Variants in NDUFAF1 observed in about 807,000 individuals in gnomAD.
NDUFAF1 encodes the protein complex I intermediate-associated protein 30, mitochondrial.
A neutral mutation model predicts 28.7 loss-of-function variants in NDUFAF1; 18 were observed. That is an observed-to-expected ratio of 0.63 (90% confidence interval 0.43 to 0.93). The LOEUF (loss-of-function observed/expected upper bound fraction) is 0.93. Ranked by LOEUF, NDUFAF1 falls within the 40% of genes least tolerant of loss-of-function variation. The pLI, the probability that NDUFAF1 is intolerant of heterozygous loss-of-function variation, is 0.00. For synonymous variants in NDUFAF1, 113 were observed against 139.7 expected (o/e 0.81, Z 1.35); for missense variants, 404 against 398.3 (o/e 1.01, Z -0.12).
At position 41,394,919 on chromosome 15, in the gene NDUFAF1, C is replaced by A. The variant is rs568965928; in HGVS notation, c.699G>T (p.Thr233=). 1.9e-6 allele frequency: 3 copies of A among 1,614,124 alleles called. No homozygotes were observed. The highest frequency in any genetic ancestry group is 2.5e-6 in the Non-Finnish European group (3 of 1,180,020). The stretch of plus-strand genomic sequence containing the variant: ...ACATGAAGTAACTATACATCTGATT[C>A]GTCCTCTGGAAGAAATCTGTGTCCT... The part of the protein sequence containing the change: ...IKEDTDFFQR[T]NQMYSYFMFT... Residue 233 remains threonine (T), a synonymous_variant, in exon 3 of 5, where the codon ACG becomes ACT. Coordinates refer to ENST00000260361, the MANE Select transcript of NDUFAF1 (RefSeq NM_016013.4).
At chr15:41,399,781 G>C (rs1298931553) in intron 1 of NDUFAF1, among the ~76,000 whole-genome samples, 1 of 144,452 alleles carries the variant, frequency 6.9e-6, no homozygotes, top group East Asian at 2.1e-4. Context: ...GCGTGAACCC[G>C]GGAGGCGGAG....
At chr15:41,394,161 T>C (rs988567880) in intron 3 of NDUFAF1, 14 of 444,124 alleles carry the variant, frequency 3.2e-5, no homozygotes, top group East Asian at 7.1e-5. Context: ...CCCGAGTAGC[T>C]GGGATTACAG....
At chr15:41,395,130 G>A (rs964962659) in intron 2 of NDUFAF1, 86 bp from the exon 3 acceptor site, 9 of 1,236,128 alleles carry the variant, frequency 7.3e-6, no homozygotes, top group Middle Eastern at 1.9e-4. Flanking sequence ...ATCATCAACA[G>A]GATGCACTAA....
At position 41,395,041 on chromosome 15, in the gene NDUFAF1, C is replaced by T. The variant is rs1014659217; in HGVS notation, c.577G>A (p.Ala193Thr). 2 of 1,613,808 alleles carry T rather than the reference C, an allele frequency of 1.2e-6. No homozygotes were observed. The highest frequency in any genetic ancestry group is 1.3e-5 in the African/African-American group (1 of 75,024). The stretch of plus-strand genomic sequence containing the variant: ...TCGTAAGACATCTTCCTCTCAAAAG[C>T]ACCCTAAGATATTGAAAGTAAAGTT... Reference protein sequence around the residue: ...CAMISRIPRGAFERKMSYDWS... With the variant: ...CAMISRIPRGTFERKMSYDWS... Residue 193 changes from alanine to threonine, a missense_variant, in exon 3 of 5, where the codon GCT becomes ACT. Coordinates refer to ENST00000260361, the MANE Select transcript of NDUFAF1 (RefSeq NM_016013.4).
chr15:41,391,601 C>A (rs2050317167), intron 3 of NDUFAF1, among the ~76,000 whole-genome samples: 1 of 142,806 alleles, frequency 7.0e-6, no homozygotes, highest in Non-Finnish European at 1.5e-5. Flanking sequence ...GAGTGAGACT[C>A]CATCTTAAAA....
chr15:41,394,390 AAAAC>A (rs968074396), intron 3 of NDUFAF1: 11 of 1,288,852 alleles, frequency 8.5e-6, no homozygotes, highest in Middle Eastern at 2.1e-4. Flanking sequence ...AAACTTCTAA[AAAAC>A]AAACAAACCC....
intron 2 of NDUFAF1, among the ~76,000 whole-genome samples, chr15:41,395,789 C>A (rs1458822210): frequency 6.6e-6 from 1 of 150,822 alleles, no homozygotes; most frequent in Non-Finnish European, 1.5e-5. Context: ...ATTCTCCTGC[C>A]TCAGCCTCCC....
At position 41,402,162 on chromosome 15, in the gene NDUFAF1, CTAAG is replaced by C; in HGVS notation, c.-104_-101del. 2.2e-6 allele frequency: 1 copy of C among 453,178 alleles called. No individual in the cohort carries two copies. Among genetic ancestry groups the C allele is most frequent in the Non-Finnish European group, 4.4e-6 (1 of 225,984 alleles). The allele number at this position is 453,178 out of a possible 1,614,324, so 28.1% of individuals were successfully genotyped here. A position where few individuals can be genotyped will look rare whatever the true frequency, so the allele number is the denominator to read the frequency against. On this transcript the variant is annotated 5_prime_UTR_variant, in exon 1 of 5. Coordinates refer to ENST00000260361, the MANE Select transcript of NDUFAF1 (RefSeq NM_016013.4). ...GCCTTACCATGTGCCAGAAACTGCT[CTAAG>C]TGTTTCACTGACGGCTCACAACAAT... is the stretch of plus-strand genomic sequence containing the variant.
At chr15:41,392,050 G>C (rs994232108) in intron 3 of NDUFAF1, among the ~76,000 whole-genome samples, 10 of 151,542 alleles carry the variant, frequency 6.6e-5, no homozygotes, top group African/African-American at 2.4e-4. Context: ...CCATGTGCAG[G>C]AGTTTGGACT....
At chr15:41,390,189 C>T (rs1444027708) in intron 3 of NDUFAF1, among the ~76,000 whole-genome samples, 3 of 151,988 alleles carry the variant, frequency 2.0e-5, no homozygotes, top group African/African-American at 7.2e-5. Context: ...TCTTAGACTC[C>T]TAGCTTCAAA....
chr15:41,398,155 G>T (rs1187863215), intron 1 of NDUFAF1, among the ~76,000 whole-genome samples: 2 of 151,234 alleles, frequency 1.3e-5, no homozygotes, highest in Non-Finnish European at 2.9e-5. Context: ...CTGTAGGAAT[G>T]ATGCACTGTC....
Position 41,399,979 on chromosome 15 carries a change from G to C in NDUFAF1, c.-82+2165C>G, listed in dbSNP as rs1477132529. Among the ~76,000 whole-genome samples, 3 of 151,810 alleles carry C rather than the reference G, an allele frequency of 2.0e-5. No individual in the cohort carries two copies. The East Asian group carries it at 5.8e-4, about 29-fold the overall frequency. ...GGAGGCTGAAGCAGGAAAATCGCTT[G>C]AACCCAGGAGTGGGACGCTGCAGTG... On this transcript the variant is annotated intron_variant, in intron 1 of 4. Coordinates refer to ENST00000260361, the MANE Select transcript of NDUFAF1 (RefSeq NM_016013.4).
At chr15:41,397,227 G>A (rs1475922206) in intron 1 of NDUFAF1, 87 bp from the exon 2 acceptor site, 2 of 618,988 alleles carry the variant, frequency 3.2e-6, no homozygotes, top group Non-Finnish European at 5.7e-6. Flanking sequence ...GTATTTTGAA[G>A]TTTGTTAACT....
At position 41,397,029 on chromosome 15, in the gene NDUFAF1, T is replaced by C. The variant is rs755089890; in HGVS notation, c.31A>G (p.Thr11Ala). 2 of 1,613,184 alleles carry C rather than the reference T, an allele frequency of 1.2e-6. No individual in the cohort carries two copies. The highest frequency in any genetic ancestry group is 4.5e-5 in the East Asian group (2 of 44,872). ...TTAGAGAATTTTCTGAGAAAATAAG[T>C]ACCACGCAGCAATTTGTGAACCAAA... MALVHKLLRG[T>A]YFLRKFSKPT... The change falls in exon 2 of 5, where the codon ACT becomes GCT. Residue 11 changes from threonine to alanine, a missense_variant. Transcript: ENST00000260361.
intron 3 of NDUFAF1, among the ~76,000 whole-genome samples, chr15:41,393,362 C>T (rs1351209972): frequency 6.8e-6 from 1 of 146,946 alleles, no homozygotes; most frequent in Non-Finnish European, 1.5e-5. Flanking sequence ...GCACGATCTG[C>T]AAGCTCTGCC....
intron 1 of NDUFAF1, among the ~76,000 whole-genome samples, chr15:41,399,826 A>G (rs2050438022): frequency 7.2e-6 from 1 of 138,114 alleles, no homozygotes. Flanking sequence ...ACTGCACTCC[A>G]GCCTGGGCGA....
chr15:41,397,979 C>G (rs1224627838), intron 1 of NDUFAF1, among the ~76,000 whole-genome samples: 3 of 141,660 alleles, frequency 2.1e-5, no homozygotes, highest in African/African-American at 7.9e-5. Context: ...GAGCCAAGAT[C>G]GTGCCACTGC....
rs767057894 is a variant in NDUFAF1, at chr15:41,396,863, T to C, written c.197A>G (p.Glu66Gly). The part of the protein sequence containing the change: ...EGDLQGDHQK[E>G]VALDITSSEE... Reference sequence around the variant, plus strand: ...AGAAGAAGTTATATCCAAAGCAACTTCTTTCTGGTGATCTCCTTGCAAATC... The same window carrying C: ...AGAAGAAGTTATATCCAAAGCAACTCCTTTCTGGTGATCTCCTTGCAAATC... Residue 66 changes from glutamate (E) to glycine (G), a missense_variant, in exon 2 of 5, where the codon GAA (glutamate) becomes GGA (glycine). Physicochemically the swap from Glu to Gly is moderately conservative, Grantham distance 98. Transcript: ENST00000260361. 1 of 1,614,172 alleles carries C rather than the reference T, an allele frequency of 6.2e-7. No individual in the cohort carries two copies. The highest frequency in any genetic ancestry group is 1.7e-5 in the Admixed American group (1 of 59,996).
At chr15:41,392,953 T>C (rs1007616996) in intron 3 of NDUFAF1, among the ~76,000 whole-genome samples, 1 of 152,144 alleles carries the variant, frequency 6.6e-6, no homozygotes, top group Non-Finnish European at 1.5e-5. Flanking sequence ...TCCAAACACC[T>C]GGACCAGGGT....
Sources: allele counts gnomAD v4.1 joint callset (sites outside exome capture counted in the v4.1 genomes callset), GRCh38; gene constraint gnomAD v4.1.1; transcripts MANE v1.5; gene names NCBI Gene and HGNC (gene_info 2026-07-23, HGNC 2026-07-21).